OPA1: variants seen among roughly 807,000 people sequenced by gnomAD.
The protein encoded by OPA1 is dynamin-like GTPase OPA1, mitochondrial.
A neutral mutation model predicts 152.9 loss-of-function variants in OPA1; 59 were observed. That is an observed-to-expected ratio of 0.39 (90% CI 0.31 to 0.48). The LOEUF is 0.48. Ranked by LOEUF, OPA1 falls within the 20% of genes least tolerant of loss-of-function variation. The pLI is 0.96. For missense variants in OPA1, 1,008 were observed against 1,216.8 expected (o/e 0.83, Z 2.55); for synonymous variants, 400 against 389.9 (o/e 1.03, Z -0.31).
chr3:193,630,289 T>G (rs754058181), intron 7 of OPA1, among the ~76,000 whole-genome samples: 1 of 152,184 alleles, frequency 6.6e-6, no homozygotes, highest in Non-Finnish European at 1.5e-5. Flanking sequence ...GGGAAAACAA[T>G]TGAAGTTTGC....
chr3:193,662,775 C>G (rs2109230673), intron 25 of OPA1, 47 bp from the exon 26 acceptor site: 1 of 1,559,940 alleles, frequency 6.4e-7, no homozygotes, highest in Non-Finnish European at 8.8e-7. Flanking sequence ...TTTCAAGCAC[C>G]AAATTATGAA....
rs539037759 is a variant in OPA1, at chr3:193,627,154, A to T, written c.789+952A>T. On this transcript the variant is annotated intron_variant, in intron 7 of 30. Transcript: ENST00000361510. ...CTATTTAAATCAACCAATATTATAGATTATGATTTAGTGCAGTAATTCTGC... is the reference window on the plus strand; with the variant it reads ...CTATTTAAATCAACCAATATTATAGTTTATGATTTAGTGCAGTAATTCTGC... 2.0e-5 allele frequency: 3 copies of T among 152,336 alleles called. No individual in the cohort carries two copies. In the South Asian group the frequency reaches 6.2e-4, roughly 32 times the overall value. The allele number at this position is 152,336 out of a possible 1,614,324, so 9.4% of individuals were successfully genotyped here.
intron 29 of OPA1, among the ~76,000 whole-genome samples, chr3:193,687,207 GAAGAA>G (rs1721043680): frequency 6.6e-6 from 1 of 152,094 alleles, no homozygotes; most frequent in African/African-American, 2.4e-5. Context: ...CAAGTCAGCT[GAAGAA>G]AAGAAAAAAG....
chr3:193,683,827 G>A (rs989362323), intron 29 of OPA1, among the ~76,000 whole-genome samples: 3 of 152,242 alleles, frequency 2.0e-5, no homozygotes, highest in East Asian at 1.9e-4. Flanking sequence ...TACTGTAAAC[G>A]TAACTTAAAC....
intron 1 of OPA1, among the ~76,000 whole-genome samples, chr3:193,595,766 G>T (rs570879145): frequency 5.4e-4 from 82 of 151,990 alleles, no homozygotes; most frequent in African/African-American, 1.9e-3. Context: ...TTTCTGAGAC[G>T]TTTTTCTCTC....
At position 193,621,525 on chromosome 3, in the gene OPA1, G is replaced by A. The variant is rs1030625601; in HGVS notation, c.678+2589G>A. Among the ~76,000 whole-genome samples, 21 of 152,138 alleles carry A rather than the reference G, an allele frequency of 1.4e-4. 1 individual carries two copies. The highest frequency in any genetic ancestry group is 9.6e-4 in the East Asian group (5 of 5,196). On this transcript the variant is annotated intron_variant, in intron 6 of 30. Coordinates refer to ENST00000361510, the MANE Select transcript of OPA1 (RefSeq NM_130837.3). ...GCTAACGAATTAATCAAGTTTCTTT[G>A]GTTTGGCCTGGATTTATATCCATTC...
Position 193,638,082 on chromosome 3 carries a change from T to A in OPA1, c.1149+17T>A. ...CCAGTTAAGGTAAGAACATAGGCCG[T>A]CTCAGTGAGGTTCCTTAGGAGAGTA... On this transcript the variant is annotated intron_variant, in intron 11 of 30. Coordinates refer to ENST00000361510, the MANE Select transcript of OPA1 (RefSeq NM_130837.3). 6.3e-7 allele frequency: 1 copy of A among 1,578,202 alleles called. No homozygotes were observed. Among genetic ancestry groups the A allele is most frequent in the South Asian group, 1.1e-5 (1 of 90,010 alleles).
rs1211667149 is a variant in OPA1 at position 193,614,921 on chromosome 3, A to G, written c.231A>G (p.Pro77=). The G allele has an allele frequency of 1.2e-6, 2 of 1,613,938 alleles. No individual in the cohort carries two copies. The highest frequency in any genetic ancestry group is 2.2e-5 in the South Asian group (2 of 91,074). ...CTTTACGTAAACTGAAATTCTCTCC[A>G]ATTAAATATGGCTACCAGCCTCGCA... The part of the protein sequence containing the change: ...NLPLRKLKFS[P]IKYGYQPRRN... The change falls in exon 2 of 31, where the codon CCA becomes CCG. Residue 77 remains proline, a synonymous_variant. Coordinates refer to ENST00000361510, the MANE Select transcript of OPA1 (RefSeq NM_130837.3).
At chr3:193,688,593 A>C (rs1249714585) in intron 29 of OPA1, among the ~76,000 whole-genome samples, 2 of 148,900 alleles carry the variant, frequency 1.3e-5, no homozygotes, top group African/African-American at 4.9e-5. Flanking sequence ...AATGCGTCTT[A>C]TTTTAAGTCA....
chr3:193,645,428 C>G (rs1022752820), intron 16 of OPA1, 125 bp from the exon 17 acceptor site: 10 of 652,856 alleles, frequency 1.5e-5, no homozygotes, highest in Non-Finnish European at 2.1e-5. Flanking sequence ...ATTTTAAATG[C>G]TTTTGTGCAG....
At chr3:193,659,431 TTG>T (rs899836944) in intron 24 of OPA1, 49 bp from the exon 25 acceptor site, 9 of 1,372,072 alleles carry the variant, frequency 6.6e-6, no homozygotes, top group Non-Finnish European at 9.2e-6. Context: ...TAGTTATAAT[TTG>T]TGTGTGTGTA....
intron 29 of OPA1, among the ~76,000 whole-genome samples, chr3:193,675,483 G>C (rs1384547754): frequency 6.6e-6 from 1 of 151,972 alleles, no homozygotes; most frequent in African/African-American, 2.4e-5. Flanking sequence ...CTCTCTCCTG[G>C]CTTTTAACAC....
chr3:193,617,372 T>C (rs569466500), intron 4 of OPA1, 87 bp downstream of exon 4: 1 of 781,766 alleles, frequency 1.3e-6, no homozygotes, highest in Non-Finnish European at 2.1e-6. Flanking sequence ...CCCATTTTTT[T>C]AAAATTAAAA....
At chr3:193,648,033 G>A (rs1333336993) in intron 19 of OPA1, 37 bp from the exon 20 acceptor site, 8 of 1,455,080 alleles carry the variant, frequency 5.5e-6, no homozygotes, top group Admixed American at 5.0e-5. Flanking sequence ...TGGAAAGAAG[G>A]AGGGTCATCA....
chr3:193,614,112 A>G (rs1468022913), intron 1 of OPA1: 2 of 369,702 alleles, frequency 5.4e-6, no homozygotes, highest in African/African-American at 4.3e-5. Flanking sequence ...TTCCCTTTCG[A>G]GCTTTTTTGC....
In OPA1 at chr3:193,631,659, C is replaced by T; in HGVS notation, c.837C>T (p.His279=). 3 of 1,610,798 alleles carry T rather than the reference C, an allele frequency of 1.9e-6. No homozygotes were observed. Among genetic ancestry groups the T allele is most frequent in the Non-Finnish European group, 2.5e-6 (3 of 1,177,288 alleles). The change falls in exon 8 of 31, where the codon CAC becomes CAT. Residue 279 remains histidine (H), a synonymous_variant. Transcript: ENST00000361510. The stretch of plus-strand genomic sequence containing the variant: ...ACCAACTTCAGGAAGAACTTCTGCA[C>T]ACTCAGGTAATCATGATGACTAAGA... The part of the protein sequence containing the change: ...KIDQLQEELL[H]TQLKYQRILE...
rs760354157 is a variant in OPA1, at chr3:193,647,077, A to G, written c.1767A>G (p.Leu589=). The G allele has an allele frequency of 6.2e-7, 1 of 1,610,776 alleles. No homozygotes were observed. The highest frequency in any genetic ancestry group is 8.5e-7 in the Non-Finnish European group (1 of 1,178,086). Residue 589 remains leucine, a synonymous_variant, in exon 19 of 31, where the codon CTA becomes CTG. Transcript: ENST00000361510. ...QNSKLLKTSM[L]KAHQVTTRNL... is the part of the protein sequence containing the mutation. ...TTTTTTTTAATAGGACAAGCATGCT[A>G]AAGGCACACCAAGTGACTACAAGAA...
intron 21 of OPA1, among the ~76,000 whole-genome samples, chr3:193,651,895 C>T (rs1165180749): frequency 3.0e-5 from 4 of 133,802 alleles, no homozygotes. Flanking sequence ...TATAATAGTC[C>T]TCTACTTTAA....
rs1284704814 is a variant in OPA1, at chr3:193,648,816, A to G, written c.1957A>G (p.Lys653Glu). ...LDRNELFEKAKNEILDEVISL... is the reference protein window; with the variant it reads ...LDRNELFEKAENEILDEVISL... ...CTAGAATGAACTATTTGAAAAAGCT[A>G]AAAATGAAATCCTTGATGAAGTTAT... Residue 653 changes from lysine to glutamate, a missense_variant, in exon 21 of 31, where the codon AAA (lysine) becomes GAA (glutamate). By Grantham distance (56) the Lys-to-Glu change is moderately conservative. Around this residue, in one of 7 missense-constraint regions of OPA1, gnomAD observed 229 missense variants for 269.0 expected, o/e 0.85. Transcript: ENST00000361510. 4 of 1,607,192 alleles carry G rather than the reference A, an allele frequency of 2.5e-6. No individual in the cohort carries two copies. Among genetic ancestry groups the G allele is most frequent in the Non-Finnish European group, 3.4e-6 (4 of 1,174,106 alleles).
Sources: allele counts gnomAD v4.1 joint callset (sites outside exome capture counted in the v4.1 genomes callset), GRCh38; gene constraint gnomAD v4.1.1; regional missense constraint gnomAD v4.1.1; transcripts MANE v1.5; gene names NCBI Gene and HGNC (gene_info 2026-07-23, HGNC 2026-07-21).